Variants in SLC28A3 observed in about 807,000 individuals in gnomAD.
SLC28A3 encodes the protein solute carrier family 28 member 3.
A neutral mutation model predicts 84.2 loss-of-function variants in SLC28A3; 68 were observed. That is an observed-to-expected ratio of 0.81 (90% confidence interval 0.66 to 0.99). SLC28A3 has a LOEUF of 0.99. Ranked by LOEUF, SLC28A3 falls within the 50% of genes least tolerant of loss-of-function variation. SLC28A3 has a pLI of 0.00. For missense variants in SLC28A3, 712 were observed against 841.5 expected, an observed-to-expected ratio of 0.85 and a Z score of 1.90; for synonymous variants, 267 against 303.6, an observed-to-expected ratio of 0.88 and a Z score of 1.25.
intron 14 of SLC28A3, among the ~76,000 whole-genome samples, chr9:84,283,819 C>T (rs1354991327): frequency 6.6e-6 from 1 of 152,170 alleles, no homozygotes; most frequent in African/African-American, 2.4e-5. Flanking sequence ...TTCTGTGGCA[C>T]CTTTTCCAGG....
intron 1 of SLC28A3, among the ~76,000 whole-genome samples, chr9:84,334,944 G>T (rs1272789324): frequency 6.6e-6 from 1 of 152,014 alleles, no homozygotes; most frequent in Non-Finnish European, 1.5e-5. Context: ...CCCCTCTCCT[G>T]GTTCTGCTGC....
At chr9:84,359,542 T>C in the SLC28A3 span, among the ~76,000 whole-genome samples, 6 of 152,198 alleles carry the variant, frequency 3.9e-5, no homozygotes, top group Admixed American at 3.9e-4. Context: ...TACAGAACAG[T>C]ATTTATACTA....
intron 1 of SLC28A3, among the ~76,000 whole-genome samples, chr9:84,320,040 G>GTTTTTTTTTGTTTTT (rs1826312557): frequency 3.4e-5 from 2 of 59,610 alleles, no homozygotes; most frequent in African/African-American, 2.0e-4. Context: ...GGCTTGCACT[G>GTTTTTTTTTGTTTTT]TTTTTTTTTT....
chr9:84,338,162 A>C (rs183108490), intron 1 of SLC28A3, among the ~76,000 whole-genome samples: 2 of 152,346 alleles, frequency 1.3e-5, no homozygotes, highest in East Asian at 3.9e-4. Context: ...TACCAAGGGC[A>C]CTCTTAATAT....
chr9:84,347,576 G>T, the SLC28A3 span, among the ~76,000 whole-genome samples: 1 of 152,190 alleles, frequency 6.6e-6, no homozygotes, highest in African/African-American at 2.4e-5. Context: ...TGCAAAAAAG[G>T]CTAATAAAAT....
chr9:84,353,703 C>T, the SLC28A3 span, among the ~76,000 whole-genome samples: 1 of 152,322 alleles, frequency 6.6e-6, no homozygotes, highest in East Asian at 1.9e-4. Flanking sequence ...GAGCAAGACT[C>T]TGTCTCCAAA....
intron 6 of SLC28A3, among the ~76,000 whole-genome samples, chr9:84,298,346 GCGT>G (rs1825498450): frequency 6.6e-6 from 1 of 152,158 alleles, no homozygotes; most frequent in Non-Finnish European, 1.5e-5. Context: ...AAGAAGCCAG[GCGT>G]GGTGGTGAAT....
At chr9:84,325,657 T>C (rs1171811238) in intron 1 of SLC28A3, among the ~76,000 whole-genome samples, 3 of 152,250 alleles carry the variant, frequency 2.0e-5, no homozygotes, top group Non-Finnish European at 4.4e-5. Flanking sequence ...CAAAGAGTTT[T>C]GGCCCTCAGA....
intron 2 of SLC28A3, among the ~76,000 whole-genome samples, chr9:84,312,993 G>T (rs1482904881): frequency 6.6e-6 from 1 of 152,148 alleles, no homozygotes; most frequent in Non-Finnish European, 1.5e-5. Context: ...TAAGGAATGC[G>T]AGTGCATGAT....
intron 16 of SLC28A3, 112 bp downstream of exon 16, chr9:84,279,863 T>G: frequency 1.0e-6 from 1 of 996,654 alleles, no homozygotes; most frequent in Non-Finnish European, 1.5e-6. Context: ...CAGCTCTAAC[T>G]CTCAGCTTTC....
chr9:84,352,211 T>C, the SLC28A3 span, among the ~76,000 whole-genome samples: 10 of 151,900 alleles, frequency 6.6e-5, no homozygotes, highest in Non-Finnish European at 1.0e-4. Context: ...TAAGACAGAG[T>C]CTCGCACTGT....
At position 84,278,340 on chromosome 9, in the gene SLC28A3, C is replaced by A; in HGVS notation, c.1954G>T (p.Val652Phe). The A allele has an allele frequency of 6.2e-7, 1 of 1,613,970 alleles. No homozygotes were observed. Among genetic ancestry groups the A allele is most frequent in the Non-Finnish European group, 8.5e-7 (1 of 1,179,950 alleles). Reference protein sequence around the residue: ...ACCQSLLSSTVAKGPGEVIPG... With the variant: ...ACCQSLLSSTFAKGPGEVIPG... ...ATGACTTCACCAGGACCCTTGGCAA[C>A]AGTGCTGGTGGAAAGTGGAAAGAAA... The change falls in exon 18 of 18, where the codon GTT becomes TTT. Residue 652 changes from valine to phenylalanine, a missense_variant. Physicochemically the swap from Val to Phe is conservative, Grantham distance 50 (BLOSUM62 -1). Coordinates refer to ENST00000376238, the MANE Select transcript of SLC28A3 (RefSeq NM_001199633.2).
At chr9:84,305,204 A>G (rs1420611404) in intron 4 of SLC28A3, 50 bp downstream of exon 4, 3 of 478,794 alleles carry the variant, frequency 6.3e-6, no homozygotes, top group East Asian at 1.3e-4. Flanking sequence ...GAATCCCTGA[A>G]AAAAAAAAAA....
intron 3 of SLC28A3, among the ~76,000 whole-genome samples, chr9:84,306,344 C>T (rs1588591697): frequency 6.6e-6 from 1 of 152,208 alleles, no homozygotes. Flanking sequence ...GCCTCCACTA[C>T]CCCGCCTTCC....
rs775930826 is a variant in SLC28A3 at position 84,302,184 on chromosome 9, A to G, written c.524+16T>C. ...CTATCTCTCTTAACTGAAATAAGAG[A>G]ACCAATTGCATTTACCACTTCAGCC... On this transcript the variant is annotated intron_variant, in intron 5 of 17. Coordinates refer to ENST00000376238, the MANE Select transcript of SLC28A3 (RefSeq NM_001199633.2). 30 of 1,610,414 alleles carry G rather than the reference A, an allele frequency of 1.9e-5. No individual in the cohort carries two copies. The highest frequency in any genetic ancestry group is 2.4e-5 in the Non-Finnish European group (28 of 1,178,172).
In SLC28A3 at chr9:84,286,017, C is replaced by T; in HGVS notation, c.1375G>A (p.Ala459Thr). 7 of 1,614,004 alleles carry T rather than the reference C, an allele frequency of 4.3e-6. No homozygotes were observed. Among genetic ancestry groups the T allele is most frequent in the South Asian group, 1.1e-5 (1 of 91,064 alleles). ...NIAVNLIAFLALLSFMNSALS... is the reference protein window; with the variant it reads ...NIAVNLIAFLTLLSFMNSALS... ...GCTGAATTCATAAAAGACAGCAGGG[C>T]CAGGAAGGCAATCAGATTCACAGCG... is the stretch of plus-strand genomic sequence containing the variant. Residue 459 changes from alanine to threonine, a missense_variant, in exon 13 of 18, where the codon GCC becomes ACC. Transcript: ENST00000376238.
intron 1 of SLC28A3, among the ~76,000 whole-genome samples, chr9:84,337,071 T>C (rs970274721): frequency 1.3e-5 from 2 of 152,086 alleles, no homozygotes; most frequent in African/African-American, 2.4e-5. Context: ...AGCAGGAGGA[T>C]TGCTTGAGGC....
upstream of SLC28A3, among the ~76,000 whole-genome samples, chr9:84,342,957 T>C (rs1240328301): frequency 6.6e-6 from 1 of 151,990 alleles, no homozygotes; most frequent in Non-Finnish European, 1.5e-5. Flanking sequence ...AAGTCAGGAA[T>C]TCGAGACCAG....
chr9:84,342,127 C>CAAAAAAAAAAAAAAAA (rs200186519), upstream of SLC28A3, among the ~76,000 whole-genome samples: 3 of 68,772 alleles, frequency 4.4e-5, no homozygotes, highest in Admixed American at 1.4e-4. Context: ...GACCCTGTCT[C>CAAAAAAAAAAAAAAAA]AAAAAAAAAA....
Sources: allele counts gnomAD v4.1 joint callset (sites outside exome capture counted in the v4.1 genomes callset), GRCh38; gene constraint gnomAD v4.1.1; transcripts MANE v1.5; gene names NCBI Gene and HGNC (gene_info 2026-07-23, HGNC 2026-07-21).